The following SMTNL1 variants were observed in gnomAD, a reference collection of about 807,000 sequenced individuals.
The protein encoded by SMTNL1 is smoothelin like 1.
A neutral mutation model predicts 46.6 loss-of-function variants in SMTNL1; 41 were observed. The ratio of observed to expected loss-of-function variants is 0.88; its 90% confidence interval spans 0.69 to 1.14. The LOEUF (loss-of-function observed/expected upper bound fraction) is 1.14, where lower values mean the gene tolerates loss of function less well. Ranked by LOEUF, SMTNL1 falls within the 50% of genes most tolerant of loss-of-function variation. The pLI, the probability that SMTNL1 is intolerant of heterozygous loss-of-function variation, is 0.00. For missense variants in SMTNL1, 591 were observed against 626.1 expected (o/e 0.94, Z 0.60); for synonymous variants, 234 against 234.2 (o/e 1.00, Z 0.01).
intron 4 of SMTNL1, 127 bp downstream of exon 4, chr11:57,544,047 C>A: frequency 9.8e-7 from 1 of 1,021,850 alleles, no homozygotes; most frequent in Non-Finnish European, 1.5e-6. Flanking sequence ...TCCTGGCATT[C>A]AGCTTCCTAT....
chr11:57,550,229 G>A lies in SMTNL1; in HGVS notation c.*117G>A. The A allele has an allele frequency of 1.8e-6, 2 of 1,133,620 alleles. No individual in the cohort carries two copies. Among genetic ancestry groups the A allele is most frequent in the Admixed American group, 2.9e-5 (1 of 34,688 alleles). The allele number at this position is 1,133,620 out of a possible 1,614,324, so 70.2% of individuals were successfully genotyped here. The stretch of plus-strand genomic sequence containing the variant: ...GAGCCAGGGGCTTAGGCAAGGGTGT[G>A]TGGCGTTGGTTTTAACTGCATTAAA... On this transcript the variant is annotated 3_prime_UTR_variant, in exon 8 of 8. Transcript: ENST00000527972.
intron 7 of SMTNL1, among the ~76,000 whole-genome samples, chr11:57,547,174 G>A (rs192873683): frequency 6.6e-6 from 1 of 152,200 alleles, no homozygotes; most frequent in Non-Finnish European, 1.5e-5. Flanking sequence ...AGGGAAACTT[G>A]CAGTCTGGAC....
rs760409288 is a variant in SMTNL1, at chr11:57,545,981, C to T, written c.1018C>T (p.Arg340Trp). The T allele has an allele frequency of 6.0e-5, 96 of 1,609,456 alleles. No individual in the cohort carries two copies. In the Admixed American group the frequency reaches 1.4e-3, roughly 23 times the overall value. Residue 340 changes from arginine (R) to tryptophan (W), a missense_variant, in exon 5 of 8, where the codon CGG becomes TGG. Physicochemically the swap from Arg to Trp is moderately radical, Grantham distance 101. Transcript: ENST00000527972. ...AGAGCGCAGGGTATCAGCCCCTGCTCGGCCCCGGGGGCCCCGGGCACAGAA... is the reference window on the plus strand; with the variant it reads ...AGAGCGCAGGGTATCAGCCCCTGCTTGGCCCCGGGGGCCCCGGGCACAGAA... ...APERRVSAPA[R>W]PRGPRAQNRK...
At chr11:57,545,109 T>A (rs1944911537) in intron 4 of SMTNL1, among the ~76,000 whole-genome samples, 1 of 151,672 alleles carries the variant, frequency 6.6e-6, no homozygotes, top group African/African-American at 2.4e-5. Context: ...AGTGCTGGGA[T>A]TACAGGCATG....
chr11:57,543,953 T>TC, intron 4 of SMTNL1, 33 bp downstream of exon 4: 3 of 1,558,766 alleles, frequency 1.9e-6, no homozygotes, highest in Non-Finnish European at 1.7e-6. Flanking sequence ...CAGCTCCAAT[T>TC]CCCCCTACCT....
chr11:57,541,316 C>G (rs1412454810), intron 1 of SMTNL1, among the ~76,000 whole-genome samples: 1 of 152,182 alleles, frequency 6.6e-6, no homozygotes, highest in Non-Finnish European at 1.5e-5. Context: ...GGAGTGTCCA[C>G]TTTTCTTACT....
chr11:57,540,498 A>G (rs1001125420), intron 1 of SMTNL1, among the ~76,000 whole-genome samples: 1 of 152,160 alleles, frequency 6.6e-6, no homozygotes, highest in Admixed American at 6.5e-5. Context: ...AACCCTATCC[A>G]TGTCACGGGA....
chr11:57,546,740 C>T, intron 7 of SMTNL1, 88 bp downstream of exon 7: 9 of 1,454,220 alleles, frequency 6.2e-6, no homozygotes, highest in Admixed American at 2.0e-5. Flanking sequence ...GCAGTTACAC[C>T]GATGCTGGTG....
Position 57,549,973 on chromosome 11 carries a change from T to C in SMTNL1, c.1346T>C (p.Leu449Pro). The C allele has an allele frequency of 6.2e-7, 1 of 1,613,978 alleles. No individual in the cohort carries two copies. The highest frequency in any genetic ancestry group is 8.5e-7 in the Non-Finnish European group (1 of 1,179,870). The stretch of plus-strand genomic sequence containing the variant: ...CATTCCACCCCATTCCTTAGGAAAC[T>C]GGCTGACTGTGCTCAGCTGCTGGAC... ...FTLAFSTAEKLADCAQLLDVD... is the reference protein window; with the variant it reads ...FTLAFSTAEKPADCAQLLDVD... The change falls in exon 8 of 8, where the codon CTG (leucine) becomes CCG (proline). Residue 449 changes from leucine to proline, a missense_variant. Transcript: ENST00000527972.
chr11:57,541,511 C>T (rs771292608), intron 1 of SMTNL1: 1 of 1,367,426 alleles, frequency 7.3e-7, no homozygotes, highest in Non-Finnish European at 9.8e-7. Context: ...CCCCCATGCT[C>T]CCGGGGGCAG....
intron 7 of SMTNL1, 135 bp downstream of exon 7, chr11:57,546,787 G>A: frequency 8.6e-7 from 1 of 1,165,858 alleles, no homozygotes; most frequent in South Asian, 1.5e-5. Context: ...TTTTTTGAGG[G>A]CCAGGCACTG....
intron 7 of SMTNL1, among the ~76,000 whole-genome samples, chr11:57,547,654 A>AGCCC (rs1392090956): frequency 6.6e-6 from 1 of 152,226 alleles, no homozygotes; most frequent in Non-Finnish European, 1.5e-5. Context: ...CCAATGCCGA[A>AGCCC]GCCCCCAGTG....
chr11:57,547,003 G>A (rs1324053247), intron 7 of SMTNL1, among the ~76,000 whole-genome samples: 1 of 152,084 alleles, frequency 6.6e-6, no homozygotes, highest in Non-Finnish European at 1.5e-5. Context: ...GTATGGTGGT[G>A]GATACCTGTG....
rs770508595 is a variant in SMTNL1, at chr11:57,546,498, T to C, written c.1189-3T>C. On this transcript the variant is annotated splice_polypyrimidine_tract_variant and splice_region_variant and intron_variant, in intron 6 of 7. Transcript: ENST00000527972. ...GGCCTCCTCTGTGCCCTGCCTGCCA[T>C]AGCATGTGGACATCCAGAACTTCTC... 12 of 1,613,978 alleles carry C rather than the reference T, an allele frequency of 7.4e-6. No homozygotes were observed. In the African/African-American group the frequency reaches 9.3e-5, roughly 13 times the overall value.
At position 57,542,691 on chromosome 11, in the gene SMTNL1, C is replaced by G; in HGVS notation, c.49C>G (p.Pro17Ala). The change falls in exon 2 of 8, where the codon CCA (proline) becomes GCA (alanine). Residue 17 changes from proline to alanine, a missense_variant. Transcript: ENST00000527972. ...KLSEDGTTVS[P>A]AADNPEMSGG... The stretch of plus-strand genomic sequence containing the variant: ...CTCTGAGGATGGGACCACCGTCTCC[C>G]CAGCTGCGGACAACCCTGAGATGTC... 6.2e-7 allele frequency: 1 copy of G among 1,613,722 alleles called. No individual in the cohort carries two copies. The highest frequency in any genetic ancestry group is 8.5e-7 in the Non-Finnish European group (1 of 1,179,778).
In SMTNL1 at chr11:57,544,568, G is replaced by A. The variant is rs544660724; in HGVS notation, c.917+648G>A. Among the ~76,000 whole-genome samples the A allele has an allele frequency of 1.1e-4, 17 of 152,294 alleles. No homozygotes were observed. In the East Asian group the frequency reaches 1.3e-3, roughly 12 times the overall value. On this transcript the variant is annotated intron_variant, in intron 4 of 7. Coordinates refer to ENST00000527972, the MANE Select transcript of SMTNL1 (RefSeq NM_001105565.3). ...TCCAAAAAGCATGATCAGAAAGCCC[G>A]AGTTGGGACAATGGTTCTGCCATGT...
At chr11:57,545,497 C>G (rs908342292) in intron 4 of SMTNL1, among the ~76,000 whole-genome samples, 1 of 151,512 alleles carries the variant, frequency 6.6e-6, no homozygotes, top group Non-Finnish European at 1.5e-5. Context: ...CCCAGCTACT[C>G]AGGAGGCTGA....
intron 1 of SMTNL1, chr11:57,541,589 T>A: frequency 1.5e-6 from 2 of 1,365,196 alleles, no homozygotes; most frequent in Non-Finnish European, 2.0e-6. Flanking sequence ...AAGGAAACGC[T>A]TCCTTGCCCA....
intron 7 of SMTNL1, among the ~76,000 whole-genome samples, chr11:57,548,300 T>C (rs1944935601): frequency 6.6e-6 from 1 of 152,174 alleles, no homozygotes; most frequent in Non-Finnish European, 1.5e-5. Flanking sequence ...TTGCACCTGC[T>C]GTTTCCTCTG....
Sources: allele counts gnomAD v4.1 joint callset (sites outside exome capture counted in the v4.1 genomes callset), GRCh38; gene constraint gnomAD v4.1.1; transcripts MANE v1.5; gene names NCBI Gene and HGNC (gene_info 2026-07-23, HGNC 2026-07-21).